Variants in IL34 observed in about 807,000 individuals in gnomAD.
IL34 encodes the protein interleukin 34, also known as interleukin-34.
IL34 carries 17 observed loss-of-function variants against 25.3 expected under a neutral mutation model. The ratio of observed to expected loss-of-function variants is 0.67; its 90% CI spans 0.46 to 1.01. The LOEUF is 1.01. IL34 is among the 50% of genes least tolerant of loss of function. The probability of loss-of-function intolerance (pLI) is 0.00; values close to 1 mark genes in which losing one functional copy is unlikely to be tolerated. For synonymous variants in IL34, 174 were observed against 140.9 expected (o/e 1.23, Z -1.66); for missense variants, 368 against 312.9 (o/e 1.18, Z -1.33).
chr16:70,604,938 G>C (rs1246545757), intron 1 of IL34, among the ~76,000 whole-genome samples: 1 of 152,166 alleles, frequency 6.6e-6, no homozygotes, highest in Admixed American at 6.5e-5. Context: ...GTGCATGTCT[G>C]TGTGTGTGCA....
intron 1 of IL34, among the ~76,000 whole-genome samples, chr16:70,584,328 G>A (rs530254234): frequency 3.3e-5 from 5 of 152,286 alleles, no homozygotes; most frequent in African/African-American, 9.6e-5. Context: ...GGACAGCTCC[G>A]TCTGTGCATC....
chr16:70,656,868 C>A, intron 3 of IL34, 92 bp from the exon 4 acceptor site: 1 of 1,407,764 alleles, frequency 7.1e-7, no homozygotes, highest in South Asian at 1.3e-5. Context: ...CCCGCGTCTG[C>A]TCCCTATGCA....
chr16:70,632,935 TTAAAA>T (rs1047990531), intron 1 of IL34, among the ~76,000 whole-genome samples: 2 of 152,136 alleles, frequency 1.3e-5, no homozygotes, highest in Non-Finnish European at 2.9e-5. Flanking sequence ...TATAACTTAC[TTAAAA>T]TAAAATTCTT....
At chr16:70,644,918 A>AAGGAGGAGGAAGGAGGAAG (rs2051880414), upstream of IL34, among the ~76,000 whole-genome samples, 1 of 85,264 alleles carries the variant, frequency 1.2e-5, no homozygotes, top group Non-Finnish European at 2.5e-5. Flanking sequence ...GAGGGAGGAG[A>AAGGAGGAGGAAGGAGGAAG]AGGAGGAGGA....
At position 70,654,576 on chromosome 16, in the gene IL34, C is replaced by T. The variant is rs764248511; in HGVS notation, c.67C>T (p.Pro23Ser). ...IFLGVALGNE[P>S]LEMWPLTQNE... The stretch of plus-strand genomic sequence containing the variant: ...CCTTGGCGTGGCCTTGGGGAATGAG[C>T]CTTTGGAGATGTGGCCCTTGACGCA... Residue 23 changes from proline (P) to serine (S), a missense_variant, in exon 2 of 6, where the codon CCT becomes TCT. Transcript: ENST00000288098. 3 of 1,613,448 alleles carry T rather than the reference C, an allele frequency of 1.9e-6. No individual in the cohort carries two copies. The highest frequency in any genetic ancestry group is 1.7e-6 in the Non-Finnish European group (2 of 1,179,566).
chr16:70,622,258 A>T (rs2051298183), intron 1 of IL34, among the ~76,000 whole-genome samples: 2 of 152,110 alleles, frequency 1.3e-5, no homozygotes, highest in Admixed American at 1.3e-4. Context: ...GTGTCTATTT[A>T]GACTAAAAGT....
upstream of IL34, among the ~76,000 whole-genome samples, chr16:70,643,752 A>C (rs1193232276): frequency 6.6e-6 from 1 of 152,248 alleles, no homozygotes; most frequent in Non-Finnish European, 1.5e-5. Context: ...CTTAAGATGC[A>C]CATCAGAGAT....
chr16:70,630,329 C>T (rs1221279437), intron 1 of IL34, among the ~76,000 whole-genome samples: 2 of 152,006 alleles, frequency 1.3e-5, no homozygotes, highest in Non-Finnish European at 2.9e-5. Flanking sequence ...CATTTGCCTC[C>T]CCAGCGATTC....
chr16:70,650,709 C>T (rs2052057243), intron 1 of IL34, among the ~76,000 whole-genome samples: 2 of 152,150 alleles, frequency 1.3e-5, no homozygotes, highest in Non-Finnish European at 2.9e-5. Flanking sequence ...GGTTCCAGAC[C>T]CCCAGCCACA....
chr16:70,628,380 A>G (rs2051441578), intron 1 of IL34, among the ~76,000 whole-genome samples: 1 of 151,306 alleles, frequency 6.6e-6, no homozygotes. Context: ...TATCTTGCAC[A>G]TTTCTTGATA....
At chr16:70,591,915 T>C (rs1246432928) in intron 1 of IL34, among the ~76,000 whole-genome samples, 1 of 150,318 alleles carries the variant, frequency 6.7e-6, no homozygotes, top group Non-Finnish European at 1.5e-5. Context: ...TTTGTGCTCC[T>C]TGCTGCTTGG....
chr16:70,615,964 C>A (rs971862922), intron 1 of IL34, among the ~76,000 whole-genome samples: 12 of 152,096 alleles, frequency 7.9e-5, no homozygotes, highest in Admixed American at 6.6e-5. Flanking sequence ...ATAAAAAAAT[C>A]CGTCCCCCCT....
Position 70,581,674 on chromosome 16 carries a change from T to C in IL34, c.-401+1625T>C, listed in dbSNP as rs2050637185. 3.3e-5 allele frequency among the ~76,000 whole-genome samples: 5 copies of C among 152,296 alleles called. No homozygotes were observed. In the South Asian group the frequency reaches 1.0e-3, roughly 32 times the overall value. Reference sequence around the variant, plus strand: ...ACAGTCTAACGCAGTGGTTAGGAGCTTGGCTTTAGAAGGCTGACTAGTCTG... The same window carrying C: ...ACAGTCTAACGCAGTGGTTAGGAGCCTGGCTTTAGAAGGCTGACTAGTCTG... On this transcript the variant is annotated intron_variant, in intron 1 of 6. Transcript: ENST00000429149.
intron 1 of IL34, among the ~76,000 whole-genome samples, chr16:70,603,534 T>A (rs2050952002): frequency 6.6e-6 from 1 of 152,062 alleles, no homozygotes; most frequent in Admixed American, 6.5e-5. Context: ...CGCCTCAGCC[T>A]CCCAGAGTGC....
intron 4 of IL34, among the ~76,000 whole-genome samples, chr16:70,657,812 A>G (rs1463017099): frequency 6.6e-6 from 1 of 152,250 alleles, no homozygotes; most frequent in African/African-American, 2.4e-5. Context: ...TGTATAATGC[A>G]TTCATGTTGT....
Position 70,660,183 on chromosome 16 carries a change from C to T in IL34, c.725C>T (p.Pro242Leu), listed in dbSNP as rs551796755. The T allele has an allele frequency of 6.4e-7, 1 of 1,574,448 alleles. No individual in the cohort carries two copies. Among genetic ancestry groups the T allele is most frequent in the Non-Finnish European group, 8.6e-7 (1 of 1,162,238 alleles). Residue 242 changes from proline to leucine, a missense_variant, in exon 6 of 6, where the codon CCC becomes CTC. Pro to Leu is a moderately conservative substitution (Grantham distance 98). Coordinates refer to ENST00000288098, the MANE Select transcript of IL34 (RefSeq NM_001393494.1). ...PVRAQGEGLL[P>L] The stretch of plus-strand genomic sequence containing the variant: ...AGGGCACAGGGCGAGGGCCTCTTGC[C>T]CTGAGCACCCTGGATGGTGACTGCG...
chr16:70,613,168 C>A (rs2051116803), intron 1 of IL34, among the ~76,000 whole-genome samples: 1 of 152,192 alleles, frequency 6.6e-6, no homozygotes, highest in Non-Finnish European at 1.5e-5. Flanking sequence ...GGTGACGCAA[C>A]TGAAAAAATA....
upstream of IL34, among the ~76,000 whole-genome samples, chr16:70,645,287 A>G (rs922376743): frequency 6.6e-6 from 1 of 152,170 alleles, no homozygotes; most frequent in Non-Finnish European, 1.5e-5. Context: ...TGTTCTCTCT[A>G]TAAGGCCCTG....
At chr16:70,584,289 C>G (rs541326895) in intron 1 of IL34, among the ~76,000 whole-genome samples, 2 of 152,206 alleles carry the variant, frequency 1.3e-5, no homozygotes, top group African/African-American at 2.4e-5. Context: ...GCCTGGGAAC[C>G]TGCTTCCTGA....
Sources: allele counts gnomAD v4.1 joint callset (sites outside exome capture counted in the v4.1 genomes callset), GRCh38; gene constraint gnomAD v4.1.1; transcripts MANE v1.5; gene names NCBI Gene and HGNC (gene_info 2026-07-23, HGNC 2026-07-21).